KCTD8: variants seen among roughly 807,000 people sequenced by gnomAD.
KCTD8 encodes BTB/POZ domain-containing protein KCTD8.
Under a neutral mutation model 31.5 loss-of-function variants are expected in KCTD8, and 27 were observed. The ratio of observed to expected loss-of-function variants is 0.86; its 90% confidence interval spans 0.63 to 1.18. The LOEUF (loss-of-function observed/expected upper bound fraction) is 1.18. Ranked by LOEUF, KCTD8 falls within the 50% of genes most tolerant of loss-of-function variation. The pLI, the probability that KCTD8 is intolerant of heterozygous loss-of-function variation, is 0.00. For synonymous variants in KCTD8, 290 were observed against 280.0 expected, an observed-to-expected ratio of 1.04 and a Z score of -0.36; for missense variants, 658 against 647.7, an observed-to-expected ratio of 1.02 and a Z score of -0.17.
intron 1 of KCTD8, among the ~76,000 whole-genome samples, chr4:44,180,825 G>A (rs1032883772): frequency 6.6e-6 from 1 of 152,076 alleles, no homozygotes; most frequent in Non-Finnish European, 1.5e-5. Context: ...AATTCTAAAT[G>A]ATATAATGAA....
In KCTD8 at chr4:44,448,619, G is replaced by T; in HGVS notation, c.-96C>A. On this transcript the variant is annotated 5_prime_UTR_variant, in exon 1 of 2. Transcript: ENST00000360029. This position sits in a 1 kb window ranked among gnomAD's most constrained non-coding sequence, Gnocchi z 4.1. The stretch of plus-strand genomic sequence containing the variant: ...CCTCCGCGTGCTCCTGGCGCTCTGC[G>T]CCCTCGGACTGGGCGGCGCGTTCCT... The T allele has an allele frequency of 7.9e-7, 1 of 1,264,776 alleles. No homozygotes were observed. 78.3% of individuals were successfully genotyped at this position (1,264,776 alleles called of 1,614,324 possible). A position where few individuals can be genotyped will look rare whatever the true frequency, so the allele number is the denominator to read the frequency against.
In KCTD8 at chr4:44,175,043, T is replaced by C. The variant is rs2043845515; in HGVS notation, c.1169A>G (p.Asp390Gly). Residue 390 changes from aspartate to glycine, a missense_variant, in exon 2 of 2, where the codon GAT becomes GGT. By Grantham distance (94) the Asp-to-Gly change is moderately conservative. Transcript: ENST00000360029. ...TACAGGTGCTTTTTTAGAGGGGCGA[T>C]CCAATGTTAAAGTGTTAGGTTGGTG... The part of the protein sequence containing the change: ...TAHQPNTLTL[D>G]RPSKKAPVQW... 1.2e-6 allele frequency: 2 copies of C among 1,613,946 alleles called. No homozygotes were observed. Among genetic ancestry groups the C allele is most frequent in the African/African-American group, 2.7e-5 (2 of 74,898 alleles).
At chr4:44,343,729 T>C (rs1364276959) in intron 1 of KCTD8, among the ~76,000 whole-genome samples, 1 of 152,242 alleles carries the variant, frequency 6.6e-6, no homozygotes, top group Non-Finnish European at 1.5e-5. Context: ...TTATATTATA[T>C]ACTAACAAAA....
At chr4:44,208,945 A>G (rs1433282153) in intron 1 of KCTD8, among the ~76,000 whole-genome samples, 1 of 152,080 alleles carries the variant, frequency 6.6e-6, no homozygotes, top group Non-Finnish European at 1.5e-5. Context: ...GTAATAAGGG[A>G]GGATTTTGTT....
rs145435267 is a variant in KCTD8 at position 44,437,612 on chromosome 4, A to G, written c.961+9951T>C. ...TCACCTCAGTAAATGTTTTATTAAT[A>G]GCAATATACTCAACACATTTTTAAC... On this transcript the variant is annotated intron_variant, in intron 1 of 1. Transcript: ENST00000360029. 6.0e-3 allele frequency among the ~76,000 whole-genome samples: 907 copies of G among 152,248 alleles called. 5 individuals are homozygous for G. The highest frequency in any genetic ancestry group is 9.8e-3 in the Non-Finnish European group (668 of 68,016).
At chr4:44,379,818 C>T (rs1720014038) in intron 1 of KCTD8, among the ~76,000 whole-genome samples, 1 of 152,108 alleles carries the variant, frequency 6.6e-6, no homozygotes, top group East Asian at 1.9e-4. Flanking sequence ...ATGACCACCA[C>T]ATATACCATG....
intron 1 of KCTD8, among the ~76,000 whole-genome samples, chr4:44,371,053 G>T (rs1174290185): frequency 6.6e-6 from 1 of 152,064 alleles, no homozygotes; most frequent in African/African-American, 2.4e-5. Context: ...CTGAGAACCA[G>T]GGAGGCCAAT....
intron 1 of KCTD8, among the ~76,000 whole-genome samples, chr4:44,380,434 C>T (rs1720033067): frequency 6.7e-6 from 1 of 149,508 alleles, no homozygotes; most frequent in Non-Finnish European, 1.5e-5. Flanking sequence ...AAAAAAAAAT[C>T]AGTATTGGCA....
intron 1 of KCTD8, among the ~76,000 whole-genome samples, chr4:44,210,033 A>G (rs1472674998): frequency 6.6e-6 from 1 of 152,180 alleles, no homozygotes; most frequent in East Asian, 1.9e-4. Context: ...GTGGAGCTCT[A>G]AGAGAGACCA....
Position 44,448,374 on chromosome 4 carries a change from T to A in KCTD8, c.150A>T (p.Val50=). The A allele has an allele frequency of 6.3e-7, 1 of 1,590,926 alleles. No individual in the cohort carries two copies. Among genetic ancestry groups the A allele is most frequent in the South Asian group, 1.1e-5 (1 of 88,510 alleles). The change falls in exon 1 of 2, where the codon GTA becomes GTT. Residue 50 remains valine, a synonymous_variant. Transcript: ENST00000360029. The surrounding 1 kb of genome is among the most constrained non-coding windows in gnomAD (Gnocchi z 4.1). Reference sequence around the variant, plus strand: ...GCTTGGTCACATAAACCTGGCCGCCTACGTTCAGCTCCACTACTTCAGGGA... The same window carrying A: ...GCTTGGTCACATAAACCTGGCCGCCAACGTTCAGCTCCACTACTTCAGGGA... ...SPFPEVVELN[V]GGQVYVTKHS...
At chr4:44,307,675 T>C (rs899988190) in intron 1 of KCTD8, among the ~76,000 whole-genome samples, 5 of 151,976 alleles carry the variant, frequency 3.3e-5, no homozygotes, top group African/African-American at 1.2e-4. Context: ...CATAATTAAA[T>C]CTCAAACCAC....
intron 1 of KCTD8, among the ~76,000 whole-genome samples, chr4:44,373,081 G>C (rs1458225546): frequency 6.6e-6 from 1 of 151,982 alleles, no homozygotes; most frequent in Non-Finnish European, 1.5e-5. Flanking sequence ...AAGGTCAATA[G>C]AGGCCGGGCG....
At chr4:44,336,149 C>CAAAAAAA (rs58161667) in intron 1 of KCTD8, among the ~76,000 whole-genome samples, 40 of 46,514 alleles carry the variant, frequency 8.6e-4, no homozygotes, top group African/African-American at 1.3e-3. Context: ...GACTCCGTCT[C>CAAAAAAA]AAAAAAAAAA....
intron 1 of KCTD8, among the ~76,000 whole-genome samples, chr4:44,347,813 C>A (rs1386461387): frequency 6.6e-6 from 1 of 152,060 alleles, no homozygotes; most frequent in Non-Finnish European, 1.5e-5. Flanking sequence ...AAAACGGAAT[C>A]ATGCTAATGG....
Position 44,258,177 on chromosome 4 carries a change from T to C in KCTD8, c.962-82927A>G, listed in dbSNP as rs184149000. Among the ~76,000 whole-genome samples the C allele has an allele frequency of 6.6e-4, 101 of 152,054 alleles. 1 individual carries two copies. The East Asian group carries it at 7.9e-3, about 12-fold the overall frequency. ...GTCACAAATGAATTACTATGATATT[T>C]CTCCAACTCATTTTGAGGTTTAAGT... On this transcript the variant is annotated intron_variant, in intron 1 of 1. Coordinates refer to ENST00000360029, the MANE Select transcript of KCTD8 (RefSeq NM_198353.3).
intron 1 of KCTD8, among the ~76,000 whole-genome samples, chr4:44,334,557 G>A (rs1192326460): frequency 6.6e-6 from 1 of 151,642 alleles, no homozygotes; most frequent in East Asian, 1.9e-4. Flanking sequence ...AGTCTGATAG[G>A]GATTAAATTA....
chr4:44,180,795 T>C (rs1713359285), intron 1 of KCTD8, among the ~76,000 whole-genome samples: 1 of 152,150 alleles, frequency 6.6e-6, no homozygotes, highest in Admixed American at 6.6e-5. Flanking sequence ...CCTAAGTTCT[T>C]TTATGTTATA....
intron 1 of KCTD8, among the ~76,000 whole-genome samples, chr4:44,355,554 G>C (rs1392732221): frequency 6.6e-6 from 1 of 152,130 alleles, no homozygotes; most frequent in African/African-American, 2.4e-5. Context: ...TGCCATTATA[G>C]ATGGTTCTAA....
At chr4:44,203,814 C>T (rs1182987227) in intron 1 of KCTD8, among the ~76,000 whole-genome samples, 1 of 151,244 alleles carries the variant, frequency 6.6e-6, no homozygotes, top group African/African-American at 2.4e-5. Flanking sequence ...AATAAGTTTA[C>T]ATAAATAAAT....
Sources: gnomAD v4.1 joint callset for allele counts (sites outside exome capture counted in the v4.1 genomes callset) on GRCh38, gnomAD v4.1.1 for gene constraint, Gnocchi (gnomAD v3.1) non-coding constraint, MANE v1.5 for transcripts, NCBI Gene and HGNC (gene_info 2026-07-23, HGNC 2026-07-21) for gene names.